Variants in WWOX observed in about 807,000 individuals in gnomAD.
WWOX encodes WW domain-containing oxidoreductase.
WWOX carries 69 observed loss-of-function variants against 46.2 expected under a neutral mutation model. That is an observed-to-expected ratio of 1.49 (90% CI 1.23 to 1.82). WWOX has a LOEUF of 1.82. Among genes scored for constraint, WWOX ranks in the 40% most tolerant of loss-of-function variants. The pLI is 0.00. For synonymous variants in WWOX, 359 were observed against 202.6 expected, an observed-to-expected ratio of 1.77 and a Z score of -6.56; for missense variants, 919 against 542.6, an observed-to-expected ratio of 1.69 and a Z score of -6.89.
At chr16:78,475,712 C>T (rs997937732) in intron 8 of WWOX, among the ~76,000 whole-genome samples, 5 of 152,186 alleles carry the variant, frequency 3.3e-5, no homozygotes, top group African/African-American at 1.2e-4. Context: ...TCTGATGTCT[C>T]AGCCTCCCCA....
intron 5 of WWOX, among the ~76,000 whole-genome samples, chr16:78,216,964 C>G (rs1402332519): frequency 4.6e-5 from 7 of 152,214 alleles, no homozygotes; most frequent in African/African-American, 1.7e-4. Context: ...CTCAAGTGAT[C>G]TGCCTGCCTT....
At chr16:78,257,309 G>A (rs998884386) in intron 5 of WWOX, among the ~76,000 whole-genome samples, 1 of 152,172 alleles carries the variant, frequency 6.6e-6, no homozygotes, top group African/African-American at 2.4e-5. Flanking sequence ...CCAAGTTTGT[G>A]CAGATCTGCA....
At chr16:78,776,883 C>G (rs770205774) in intron 8 of WWOX, among the ~76,000 whole-genome samples, 1 of 152,098 alleles carries the variant, frequency 6.6e-6, no homozygotes, top group Non-Finnish European at 1.5e-5. Flanking sequence ...GGAACCACCC[C>G]CATCATCCAG....
At chr16:78,447,790 G>A (rs534804527) in intron 8 of WWOX, among the ~76,000 whole-genome samples, 1 of 152,268 alleles carries the variant, frequency 6.6e-6, no homozygotes, top group Admixed American at 6.5e-5. Context: ...GAAAGCAGAA[G>A]AAACTATTAT....
chr16:78,606,289 A>G (rs1164869308), intron 8 of WWOX, among the ~76,000 whole-genome samples: 1 of 152,172 alleles, frequency 6.6e-6, no homozygotes, highest in African/African-American at 2.4e-5. Flanking sequence ...AGTTTAGCAC[A>G]TTTAAAATTT....
rs183359538 is a variant in WWOX at position 78,775,568 on chromosome 16, C to A, written c.1056+342816C>A. 5.9e-5 allele frequency among the ~76,000 whole-genome samples: 9 copies of A among 152,210 alleles called. No individual in the cohort carries two copies. The East Asian group carries it at 1.5e-3, about 26-fold the overall frequency. ...TTGAAACTGCTCATCCCGTCTACAACCTTGGAGGGCATGGTGTTTCACTCC... is the reference window on the plus strand; with the variant it reads ...TTGAAACTGCTCATCCCGTCTACAAACTTGGAGGGCATGGTGTTTCACTCC... On this transcript the variant is annotated intron_variant, in intron 8 of 8. Coordinates refer to ENST00000566780, the MANE Select transcript of WWOX (RefSeq NM_016373.4).
intron 8 of WWOX, among the ~76,000 whole-genome samples, chr16:78,789,234 C>T (rs2050532471): frequency 1.3e-5 from 2 of 152,166 alleles, no homozygotes; most frequent in Middle Eastern, 3.4e-3. Context: ...AAGAGTTTTT[C>T]CCTGAAACCA....
At chr16:78,111,076 T>G (rs908005108) in intron 3 of WWOX, among the ~76,000 whole-genome samples, 1 of 152,142 alleles carries the variant, frequency 6.6e-6, no homozygotes, top group Non-Finnish European at 1.5e-5. Context: ...CACCAACATT[T>G]AGGGGTCGGG....
chr16:78,519,236 G>A (rs1357868780), intron 8 of WWOX, among the ~76,000 whole-genome samples: 2 of 152,050 alleles, frequency 1.3e-5, no homozygotes, highest in African/African-American at 4.8e-5. Flanking sequence ...AAAGGGTTTT[G>A]TGTGTTAAAG....
chr16:78,431,487 A>G (rs535810921), intron 7 of WWOX, among the ~76,000 whole-genome samples: 2 of 152,296 alleles, frequency 1.3e-5, no homozygotes, highest in South Asian at 2.1e-4. Context: ...AGCCCTGTCA[A>G]AGGTTAGGAA....
rs376667376 is a variant in WWOX, at chr16:78,439,990, G to A, written c.1056+7238G>A. Among the ~76,000 whole-genome samples, 16 of 152,248 alleles carry A rather than the reference G, an allele frequency of 1.1e-4. No individual in the cohort carries two copies. In the South Asian group the frequency reaches 2.3e-3, roughly 22 times the overall value. ...AACTGTCCTCCTGAGTTGACTTCCC[G>A]TCAGATCCCACTGGTTGGGACTGAG... On this transcript the variant is annotated intron_variant, in intron 8 of 8. Transcript: ENST00000566780.
At chr16:78,851,060 G>T (rs1318994524) in intron 8 of WWOX, among the ~76,000 whole-genome samples, 1 of 152,166 alleles carries the variant, frequency 6.6e-6, no homozygotes, top group Non-Finnish European at 1.5e-5. Context: ...AAGAGGGTAG[G>T]TGTGGACAGT....
At chr16:79,092,945 A>G (rs147834824) in intron 8 of WWOX, among the ~76,000 whole-genome samples, 4 of 152,202 alleles carry the variant, frequency 2.6e-5, no homozygotes, top group Non-Finnish European at 4.4e-5. Context: ...TCTATAATAT[A>G]GAATGCTATT....
chr16:78,368,616 G>A (rs1002638690), intron 5 of WWOX, among the ~76,000 whole-genome samples: 3 of 152,196 alleles, frequency 2.0e-5, no homozygotes, highest in South Asian at 2.1e-4. Context: ...TTGCACTGAG[G>A]CCAGGGTGTA....
intron 8 of WWOX, among the ~76,000 whole-genome samples, chr16:78,571,384 G>A (rs2089580541): frequency 1.3e-5 from 2 of 152,086 alleles, no homozygotes; most frequent in Admixed American, 6.5e-5. Context: ...TATATATAGT[G>A]TGCATTACAG....
intron 8 of WWOX, among the ~76,000 whole-genome samples, chr16:78,971,876 C>T (rs993103384): frequency 2.6e-5 from 4 of 152,102 alleles, no homozygotes; most frequent in African/African-American, 9.7e-5. Context: ...CCTCAGTTTC[C>T]TCATCAGCAG....
chr16:79,039,314 A>T (rs1567507191), intron 8 of WWOX, among the ~76,000 whole-genome samples: 1 of 152,088 alleles, frequency 6.6e-6, no homozygotes, highest in Non-Finnish European at 1.5e-5. Flanking sequence ...CTCTCCTGCC[A>T]GCAGAAGCCA....
chr16:79,047,145 C>T (rs2048080549), intron 8 of WWOX, among the ~76,000 whole-genome samples: 1 of 152,148 alleles, frequency 6.6e-6, no homozygotes, highest in Non-Finnish European at 1.5e-5. Context: ...TTCATTTATT[C>T]TTTCATTCAG....
rs368019158 is a variant in WWOX, at chr16:79,047,617, T to G, written c.1057-163991T>G. Among the ~76,000 whole-genome samples the G allele has an allele frequency of 4.0e-4, 60 of 151,464 alleles. No individual in the cohort carries two copies. The East Asian group carries it at 5.2e-3, about 13-fold the overall frequency. Reference sequence around the variant, plus strand: ...TGTGGCATAAAATAACACAAATCGATTCCCTTACAGTTCTGGATGTCAGAA... The same window carrying G: ...TGTGGCATAAAATAACACAAATCGAGTCCCTTACAGTTCTGGATGTCAGAA... On this transcript the variant is annotated intron_variant, in intron 8 of 8. Coordinates refer to ENST00000566780, the MANE Select transcript of WWOX (RefSeq NM_016373.4).
Sources: allele counts gnomAD v4.1 joint callset (sites outside exome capture counted in the v4.1 genomes callset), GRCh38; gene constraint gnomAD v4.1.1; transcripts MANE v1.5; gene names NCBI Gene and HGNC (gene_info 2026-07-23, HGNC 2026-07-21).